The following ORC2 variants were observed in gnomAD, a reference collection of about 807,000 sequenced individuals.
ORC2 encodes origin recognition complex protein 2 homolog.
A neutral mutation model predicts 77.7 loss-of-function variants in ORC2; 37 were observed. The ratio of observed to expected loss-of-function variants is 0.48; its 90% CI spans 0.37 to 0.63. The LOEUF (loss-of-function observed/expected upper bound fraction) is 0.63. ORC2 is among the 20% of genes least tolerant of loss of function. The probability of loss-of-function intolerance (pLI) is 0.00; values close to 1 mark genes in which losing one functional copy is unlikely to be tolerated. For missense variants in ORC2, 557 were observed against 661.9 expected, an observed-to-expected ratio of 0.84 and a Z score of 1.74; for synonymous variants, 201 against 229.5, an observed-to-expected ratio of 0.88 and a Z score of 1.12.
At chr2:200,923,898 T>C (rs184764224) in intron 13 of ORC2, among the ~76,000 whole-genome samples, 2 of 152,344 alleles carry the variant, frequency 1.3e-5, no homozygotes, top group East Asian at 3.9e-4. Context: ...CAATGCAAAC[T>C]TTTTGCCACT....
intron 8 of ORC2, among the ~76,000 whole-genome samples, chr2:200,937,262 T>A (rs1049323162): frequency 2.2e-4 from 34 of 152,310 alleles, no homozygotes; most frequent in African/African-American, 7.9e-4. Flanking sequence ...ATAGTTGACA[T>A]GAAATAACAA....
Position 200,931,327 on chromosome 2 carries a change from G to A in ORC2, c.917+12C>T. 9.4e-7 allele frequency: 1 copy of A among 1,061,544 alleles called. No individual in the cohort carries two copies. The highest frequency in any genetic ancestry group is 1.4e-6 in the Non-Finnish European group (1 of 726,384). 65.8% of individuals were successfully genotyped at this position (1,061,544 alleles called of 1,614,324 possible). ...TCTTTATTTTACAAGGGTTTGTAAT[G>A]ATAATACTTACTGTAATTGCAGCAT... On this transcript the variant is annotated intron_variant, in intron 11 of 17. Transcript: ENST00000234296.
chr2:200,929,889 G>A (rs2040909589), intron 11 of ORC2, among the ~76,000 whole-genome samples: 1 of 152,132 alleles, frequency 6.6e-6, no homozygotes, highest in Non-Finnish European at 1.5e-5. Flanking sequence ...GGATAGCAGG[G>A]GCAGGTGGGA....
At chr2:200,950,849 A>T (rs749385866) in intron 4 of ORC2, among the ~76,000 whole-genome samples, 4 of 152,196 alleles carry the variant, frequency 2.6e-5, no homozygotes, top group Non-Finnish European at 4.4e-5. Context: ...GTTTTATCCA[A>T]ACTCCTTAAT....
intron 13 of ORC2, among the ~76,000 whole-genome samples, chr2:200,923,289 C>T (rs1235203864): frequency 6.6e-6 from 1 of 152,110 alleles, no homozygotes; most frequent in Non-Finnish European, 1.5e-5. Flanking sequence ...CGCTCTGTTG[C>T]CCAGGCTGGA....
intron 9 of ORC2, 78 bp from the exon 10 acceptor site, chr2:200,934,052 G>A: frequency 1.5e-6 from 1 of 680,244 alleles, no homozygotes; most frequent in South Asian, 2.1e-5. Context: ...TAATATTAAT[G>A]TAAAATAGGA....
chr2:200,934,945 A>G (rs1004087241), intron 9 of ORC2, among the ~76,000 whole-genome samples: 1 of 152,192 alleles, frequency 6.6e-6, no homozygotes, highest in Admixed American at 6.5e-5. Flanking sequence ...TGTTCTTCCA[A>G]ATGACTCAAC....
intron 12 of ORC2, among the ~76,000 whole-genome samples, chr2:200,926,271 T>C (rs374232742): frequency 6.6e-6 from 1 of 152,048 alleles, no homozygotes. Context: ...CTACAGACAC[T>C]TTAAAAAAGG....
intron 10 of ORC2, among the ~76,000 whole-genome samples, chr2:200,933,115 G>T (rs2040971833): frequency 6.6e-6 from 1 of 151,908 alleles, no homozygotes; most frequent in Non-Finnish European, 1.5e-5. Context: ...ATACCAATGA[G>T]CCAGGACTTA....
Position 200,931,352 on chromosome 2 carries a change from T to A in ORC2, c.904A>T (p.Met302Leu), listed in dbSNP as rs749654386. 2 of 1,389,932 alleles carry A rather than the reference T, an allele frequency of 1.4e-6. No homozygotes were observed. The highest frequency in any genetic ancestry group is 3.0e-5 in the African/African-American group (2 of 66,596). 86.1% of individuals were successfully genotyped at this position (1,389,932 alleles called of 1,614,324 possible). Residue 302 changes from methionine to leucine, a missense_variant, in exon 11 of 18, where the codon ATG becomes TTG. By Grantham distance (15) the Met-to-Leu change is conservative. Transcript: ENST00000234296. ...GATAATACTTACTGTAATTGCAGCA[T>A]CCATTTATGAAATAATTTTTCATAC... ...QQYEKLFHKW[M>L]LQLHLGFNIV... is the part of the protein sequence containing the mutation.
intron 15 of ORC2, among the ~76,000 whole-genome samples, chr2:200,915,506 A>T (rs756933765): frequency 5.9e-5 from 9 of 152,134 alleles, no homozygotes; most frequent in Non-Finnish European, 7.3e-5. Context: ...AACTGTACGT[A>T]TTTCTTTGTA....
chr2:200,935,838 T>C lies in ORC2; in HGVS notation c.569A>G (p.Asp190Gly). 1.2e-6 allele frequency: 2 copies of C among 1,614,110 alleles called. No homozygotes were observed. The highest frequency in any genetic ancestry group is 1.1e-5 in the South Asian group (1 of 91,070). Residue 190 changes from aspartate (D) to glycine (G), a missense_variant, in exon 9 of 18, where the codon GAT becomes GGT. Physicochemically the swap from Asp to Gly is moderately conservative, Grantham distance 94. Transcript: ENST00000234296. ...ESEYSASNSE[D>G]DEGVAQEHEE... is the part of the protein sequence containing the mutation. ...ATGTTCCTGTGCAACCCCTTCATCA[T>C]CCTCTGAGTTGGAAGCAGAATATTC...
At position 200,937,870 on chromosome 2, in the gene ORC2, CT is replaced by C. The variant is rs755753308; in HGVS notation, c.514+35del. The C allele has an allele frequency of 4.3e-6, 6 of 1,386,214 alleles. No individual in the cohort carries two copies. In the East Asian group the frequency reaches 1.1e-4, roughly 26 times the overall value. 85.9% of individuals were successfully genotyped at this position (1,386,214 alleles called of 1,614,324 possible). A position where few individuals can be genotyped will look rare whatever the true frequency, so the allele number is the denominator to read the frequency against. On this transcript the variant is annotated intron_variant, in intron 8 of 17. Transcript: ENST00000234296. ...ATTATTGCCTCTTGTTTAGATGCTA[CT>C]TTTTATAAAAAGTCATGTAAAAACA...
rs528336077 is a variant in ORC2 at position 200,963,409 on chromosome 2, C to A, written c.-60+81G>T. 213 of 398,568 alleles carry A rather than the reference C, an allele frequency of 5.3e-4. 1 individual carries two copies. Among genetic ancestry groups the A allele is most frequent in the Non-Finnish European group, 8.1e-4 (183 of 226,078 alleles). 24.7% of individuals were successfully genotyped at this position (398,568 alleles called of 1,614,324 possible). On this transcript the variant is annotated intron_variant, in intron 1 of 17. Transcript: ENST00000234296. ...CTAGGGGCCAAGCTCCGACGCGGGG[C>A]TGGGTGCACCTGGACGCACCTCACA...
rs774978965 is a variant in ORC2, at chr2:200,937,899, T to A, written c.514+7A>T. On this transcript the variant is annotated splice_region_variant and intron_variant, in intron 8 of 17. Transcript: ENST00000234296. ...TTATAAAAAGTCATGTAAAAACAAA[T>A]ACGTACCTATTAATCTTTTTCTTAG... is the stretch of plus-strand genomic sequence containing the variant. The A allele has an allele frequency of 6.4e-7, 1 of 1,566,442 alleles. No homozygotes were observed. Among genetic ancestry groups the A allele is most frequent in the Non-Finnish European group, 8.8e-7 (1 of 1,141,686 alleles).
At chr2:200,921,369 G>A (rs747339574) in intron 13 of ORC2, 4 of 258,600 alleles carry the variant, frequency 1.5e-5, no homozygotes, top group Non-Finnish European at 2.9e-5. Context: ...TGCCCAGGTT[G>A]GTCTTGAACT....
intron 11 of ORC2, among the ~76,000 whole-genome samples, chr2:200,927,548 G>T (rs982650444): frequency 1.8e-4 from 27 of 150,790 alleles, no homozygotes; most frequent in South Asian, 2.1e-4. Flanking sequence ...AAATTAGCTG[G>T]GTGCAGTGGC....
At chr2:200,923,361 G>A (rs1052211265) in intron 13 of ORC2, among the ~76,000 whole-genome samples, 1 of 152,094 alleles carries the variant, frequency 6.6e-6, no homozygotes, top group African/African-American at 2.4e-5. Flanking sequence ...CGATTCTCCT[G>A]TCTCAGCCTC....
chr2:200,913,667 A>T, intron 16 of ORC2: 2 of 1,261,586 alleles, frequency 1.6e-6, no homozygotes, highest in South Asian at 4.1e-5. Context: ...AAAAATATGT[A>T]CTTGGCAGAT....
Sources: gnomAD v4.1 joint callset for allele counts (sites outside exome capture counted in the v4.1 genomes callset) on GRCh38, gnomAD v4.1.1 for gene constraint, MANE v1.5 for transcripts, NCBI Gene and HGNC (gene_info 2026-07-23, HGNC 2026-07-21) for gene names.